Variants in MTMR14 observed in about 807,000 individuals in gnomAD.
MTMR14 encodes phosphatidylinositol-3,5-bisphosphate 3-phosphatase MTMR14.
A neutral mutation model predicts 86.3 loss-of-function variants in MTMR14; 48 were observed. That is an observed-to-expected ratio of 0.56 (90% CI 0.44 to 0.71). The LOEUF (loss-of-function observed/expected upper bound fraction) is 0.71, where lower values mean the gene tolerates loss of function less well. MTMR14 is among the 30% of genes least tolerant of loss of function. The pLI, the probability that MTMR14 is intolerant of heterozygous loss-of-function variation, is 0.00. For synonymous variants in MTMR14, 366 were observed against 326.1 expected (o/e 1.12, Z -1.32); for missense variants, 780 against 834.6 (o/e 0.93, Z 0.81).
chr3:9,694,311 A>G (rs1159492125), intron 17 of MTMR14, among the ~76,000 whole-genome samples: 1 of 148,682 alleles, frequency 6.7e-6, no homozygotes, highest in Non-Finnish European at 1.5e-5. Context: ...TAAAGGGGGA[A>G]AAATGATTCA....
intron 5 of MTMR14, 147 bp downstream of exon 5, chr3:9,669,639 C>A: frequency 1.2e-6 from 1 of 812,188 alleles, no homozygotes; most frequent in Non-Finnish European, 1.9e-6. Flanking sequence ...CAAGTCTGTG[C>A]CCCTGAAATA....
rs182060897 is a variant in MTMR14 at position 9,678,416 on chromosome 3, C to T, written c.897+358C>T. Among the ~76,000 whole-genome samples, 174 of 152,304 alleles carry T rather than the reference C, an allele frequency of 1.1e-3. 1 individual carries two copies. Among genetic ancestry groups the T allele is most frequent in the Non-Finnish European group, 2.1e-3 (142 of 68,022 alleles). On this transcript the variant is annotated intron_variant, in intron 9 of 18. Transcript: ENST00000296003. ...GTGTTCAGCCAGAGGAAGTACAGAG[C>T]TGCCTGACCTCATTTGATTATAGAA...
At position 9,668,888 on chromosome 3, in the gene MTMR14, T is replaced by G. The variant is rs187720412; in HGVS notation, c.493+94T>G. 9.8e-3 allele frequency: 13,010 copies of G among 1,326,336 alleles called. 85 individuals are homozygous for G. The highest frequency in any genetic ancestry group is 0.012 in the Non-Finnish European group (10,757 of 922,292). The allele number at this position is 1,326,336 out of a possible 1,614,324, so 82.2% of individuals were successfully genotyped here. A position where few individuals can be genotyped will look rare whatever the true frequency, so the allele number is the denominator to read the frequency against. ...GGCGCCATGCCTCACGCCTGTAATC[T>G]CAACACTTTGGGAGGCCAAGGCGAG... On this transcript the variant is annotated intron_variant, in intron 4 of 18. Coordinates refer to ENST00000296003, the MANE Select transcript of MTMR14 (RefSeq NM_001077525.3).
Position 9,701,058 on chromosome 3 carries a change from G to C in MTMR14, c.1770-732G>C, listed in dbSNP as rs2076440533. On this transcript the variant is annotated intron_variant, in intron 18 of 18. Coordinates refer to ENST00000296003, the MANE Select transcript of MTMR14 (RefSeq NM_001077525.3). The surrounding 1 kb of genome is among the most constrained non-coding windows in gnomAD (Gnocchi z 4.2). ...AGTCTCGAACTCCTGACCTGCCTCG[G>C]CCTCCCAAAGTGCTGGGATTACAGC... 6.6e-6 allele frequency: 1 copy of C among 152,406 alleles called. No individual in the cohort carries two copies. The highest frequency in any genetic ancestry group is 1.5e-5 in the Non-Finnish European group (1 of 68,248). The allele number at this position is 152,406 out of a possible 1,614,324, so 9.4% of individuals were successfully genotyped here.
intron 18 of MTMR14, chr3:9,700,010 C>CT (rs1429455774): frequency 6.6e-6 from 1 of 152,258 alleles, no homozygotes; most frequent in Non-Finnish European, 1.5e-5. Context: ...CTTAGTGCTG[C>CT]TGCAGGAGTG....
In MTMR14 at chr3:9,701,831, T is replaced by G. The variant is rs1575107243; in HGVS notation, c.1811T>G (p.Val604Gly). Residue 604 changes from valine to glycine, a missense_variant, in exon 19 of 19, where the codon GTG (valine) becomes GGG (glycine). By Grantham distance (109) the Val-to-Gly change is moderately radical. Transcript: ENST00000296003. The surrounding 1 kb of genome is among the most constrained non-coding windows in gnomAD (Gnocchi z 4.2). ...LSDRETRLQE[V>G]RSAFLAAYSS... ...GATCGAGAGACTCGGCTGCAGGAGG[T>G]GCGCTCAGCCTTCTTGGCTGCGTAC... 6.2e-7 allele frequency: 1 copy of G among 1,613,586 alleles called. No homozygotes were observed.
Position 9,697,760 on chromosome 3 carries a change from A to G in MTMR14, c.1663A>G (p.Ser555Gly). The G allele has an allele frequency of 1.9e-6, 3 of 1,614,132 alleles. No individual in the cohort carries two copies. The highest frequency in any genetic ancestry group is 2.5e-6 in the Non-Finnish European group (3 of 1,180,010). ...ATCCTCTCTCTCCACAGACTATGGC[A>G]GCTGGCAGATGGTAACGGGCTGTGG... Reference protein sequence around the residue: ...PGSSLSTDYGSWQMVTGCGSI... With the variant: ...PGSSLSTDYGGWQMVTGCGSI... The change falls in exon 18 of 19, where the codon AGC becomes GGC. Residue 555 changes from serine (S) to glycine (G), a missense_variant. Transcript: ENST00000296003.
intron 18 of MTMR14, among the ~76,000 whole-genome samples, chr3:9,698,685 G>A (rs1169529430): frequency 1.3e-5 from 2 of 152,172 alleles, no homozygotes; most frequent in African/African-American, 4.8e-5. Flanking sequence ...GAAGGGAAAG[G>A]GGGCCCTGGA....
chr3:9,662,702 T>C (rs2048010705), intron 3 of MTMR14, among the ~76,000 whole-genome samples: 1 of 152,236 alleles, frequency 6.6e-6, no homozygotes, highest in Non-Finnish European at 1.5e-5. Flanking sequence ...TTTCAAAGGT[T>C]TGTGGATTAG....
rs773317652 is a variant in MTMR14 at position 9,671,108 on chromosome 3, C to T, written c.615C>T (p.Tyr205=). The T allele has an allele frequency of 1.1e-5, 18 of 1,614,054 alleles. No homozygotes were observed. The East Asian group carries it at 2.7e-4, about 24-fold the overall frequency. The change falls in exon 6 of 19, where the codon TAC becomes TAT. Residue 205 remains tyrosine (Y), a synonymous_variant. Coordinates refer to ENST00000296003, the MANE Select transcript of MTMR14 (RefSeq NM_001077525.3). ...GCTATGACATCAAGCTGCTTCGATA[C>T]CTGTCAGTCAAATACATCTGTGACC... ...VRGYDIKLLR[Y]LSVKYICDLM...
At chr3:9,655,890 T>C (rs917136222) in intron 2 of MTMR14, among the ~76,000 whole-genome samples, 2 of 151,896 alleles carry the variant, frequency 1.3e-5, no homozygotes, top group African/African-American at 2.4e-5. Flanking sequence ...TCCTCATCTG[T>C]AAAGTGGGGA....
intron 1 of MTMR14, 51 bp downstream of exon 1, chr3:9,649,793 A>G: frequency 1.2e-6 from 2 of 1,607,458 alleles, no homozygotes; most frequent in Non-Finnish European, 1.7e-6. Flanking sequence ...TTGGGAAGTT[A>G]CAGAGGAAAG....
chr3:9,659,642 C>T (rs754502468), intron 2 of MTMR14: 2 of 452,290 alleles, frequency 4.4e-6, no homozygotes, highest in African/African-American at 4.0e-5. Flanking sequence ...CGGGGTTTCA[C>T]CATGTTGGCC....
rs1289497537 is a variant in MTMR14 at position 9,677,448 on chromosome 3, GAAC to G, written c.822+67_822+69del. On this transcript the variant is annotated intron_variant, in intron 8 of 18. Transcript: ENST00000296003. The surrounding 1 kb of genome is among the most constrained non-coding windows in gnomAD (Gnocchi z 4.2). ...TCTCTTTGTAAAGGGAGGCCAAGGA[GAAC>G]AACAAGCAGTCTTTGGGGAAAACAA... 2 of 1,441,680 alleles carry G rather than the reference GAAC, an allele frequency of 1.4e-6. No individual in the cohort carries two copies. Among genetic ancestry groups the G allele is most frequent in the Non-Finnish European group, 2.0e-6 (2 of 1,023,430 alleles). 89.3% of individuals were successfully genotyped at this position (1,441,680 alleles called of 1,614,324 possible).
At chr3:9,658,680 C>T (rs905901383) in intron 2 of MTMR14, among the ~76,000 whole-genome samples, 4 of 152,220 alleles carry the variant, frequency 2.6e-5, no homozygotes, top group African/African-American at 9.7e-5. Context: ...TAAACTACCT[C>T]ATCTGTAAAA....
intron 10 of MTMR14, 64 bp from the exon 11 acceptor site, chr3:9,684,521 C>A: frequency 6.5e-7 from 1 of 1,538,316 alleles, no homozygotes; most frequent in Non-Finnish European, 9.0e-7. Flanking sequence ...GCTGGTGGTA[C>A]TTCCTGCTCA....
intron 7 of MTMR14, among the ~76,000 whole-genome samples, chr3:9,676,212 G>T (rs147318846): frequency 6.6e-6 from 1 of 152,202 alleles, no homozygotes. Context: ...GCCATGTGCC[G>T]TCTGAAGTTT....
intron 7 of MTMR14, among the ~76,000 whole-genome samples, chr3:9,676,372 G>C (rs947372167): frequency 6.6e-6 from 1 of 151,840 alleles, no homozygotes; most frequent in Non-Finnish European, 1.5e-5. Flanking sequence ...GCCACAGCCC[G>C]GGGGGCAAGA....
intron 3 of MTMR14, among the ~76,000 whole-genome samples, chr3:9,667,820 T>G (rs2048337545): frequency 6.6e-6 from 1 of 152,196 alleles, no homozygotes; most frequent in South Asian, 2.1e-4. Context: ...GGAGAAGCCT[T>G]CAGATGGTAC....
Sources: allele counts gnomAD v4.1 joint callset (sites outside exome capture counted in the v4.1 genomes callset), GRCh38; gene constraint gnomAD v4.1.1; non-coding constraint Gnocchi (gnomAD v3.1); transcripts MANE v1.5; gene names NCBI Gene and HGNC (gene_info 2026-07-23, HGNC 2026-07-21).